IL22RA2: variants seen among roughly 807,000 people sequenced by gnomAD.
The protein encoded by IL22RA2 is interleukin 22 receptor subunit alpha 2.
IL22RA2 carries 39 observed loss-of-function variants against 30.7 expected under a neutral mutation model. That is an observed-to-expected ratio of 1.27 (90% CI 0.98 to 1.66). The LOEUF (loss-of-function observed/expected upper bound fraction) is 1.66, where lower values mean the gene tolerates loss of function less well. Ranked by LOEUF, IL22RA2 falls within the 40% of genes most tolerant of loss-of-function variation. IL22RA2 has a pLI of 0.00. For missense variants in IL22RA2, 315 were observed against 312.7 expected, an observed-to-expected ratio of 1.01 and a Z score of -0.05; for synonymous variants, 103 against 105.0, an observed-to-expected ratio of 0.98 and a Z score of 0.11.
At chr6:137,170,466 C>CG in intron 1 of IL22RA2, among the ~76,000 whole-genome samples, 1 of 152,292 alleles carries the variant, frequency 6.6e-6, no homozygotes, top group African/African-American at 2.4e-5. Context: ...CAGTGAGTTC[C>CG]TGCATGACTG....
At chr6:137,145,904 T>C (rs1027120202) in intron 6 of IL22RA2, 131 bp from the exon 7 acceptor site, 1 of 936,252 alleles carries the variant, frequency 1.1e-6, no homozygotes, top group African/African-American at 1.7e-5. Context: ...CCCAGACACA[T>C]CCTTCTTTTC....
intron 5 of IL22RA2, among the ~76,000 whole-genome samples, chr6:137,148,201 A>G (rs986427794): frequency 1.3e-5 from 2 of 152,154 alleles, no homozygotes; most frequent in African/African-American, 4.8e-5. Context: ...GTTTATTGGA[A>G]GGGCTTTTCT....
rs141237518 is a variant in IL22RA2, at chr6:137,168,412, C to T, written c.-66+5001G>A. Among the ~76,000 whole-genome samples, 66 of 152,268 alleles carry T rather than the reference C, an allele frequency of 4.3e-4. 1 individual carries two copies. The highest frequency in any genetic ancestry group is 1.1e-3 in the African/African-American group (45 of 41,546). The stretch of plus-strand genomic sequence containing the variant: ...GGGGTCAGTAAACTTGTAAACAAAA[C>T]GCAAGTATTCACTTACGCGCATAAA... On this transcript the variant is annotated intron_variant, in intron 1 of 6. Transcript: ENST00000296980.
chr6:137,147,772 AAT>A lies in IL22RA2; in HGVS notation c.590_591del (p.Asp197ValfsTer3). 1 of 1,600,540 alleles carries A rather than the reference AAT, an allele frequency of 6.2e-7. No homozygotes were observed. Among genetic ancestry groups the A allele is most frequent in the African/African-American group, 1.3e-5 (1 of 74,694 alleles). On this transcript the variant is annotated frameshift_variant, in exon 6 of 7. Transcript: ENST00000296980. LOFTEE classifies it high-confidence loss of function. ...AAAACTCGGTATAGTAGTTCATAGT[AAT>A]CTTCTATAGATACATTTTTTTCCTT... is the stretch of plus-strand genomic sequence containing the variant. ...YQKEKNVSIE[D>X]YYELLYRVFI...
chr6:137,150,048 G>T (rs1054411009), intron 5 of IL22RA2, among the ~76,000 whole-genome samples: 1 of 152,124 alleles, frequency 6.6e-6, no homozygotes, highest in Non-Finnish European at 1.5e-5. Flanking sequence ...AGTATCAAAC[G>T]CTGCTTTTAA....
intron 5 of IL22RA2, among the ~76,000 whole-genome samples, chr6:137,154,002 A>G (rs942216383): frequency 1.3e-5 from 2 of 151,620 alleles, no homozygotes; most frequent in Non-Finnish European, 2.9e-5. Context: ...TTCTTGTTCT[A>G]TTTATGCACA....
intron 5 of IL22RA2, among the ~76,000 whole-genome samples, chr6:137,151,281 T>G (rs1011256757): frequency 2.0e-5 from 3 of 152,202 alleles, no homozygotes; most frequent in Non-Finnish European, 4.4e-5. Flanking sequence ...TATGGTCTAT[T>G]GATTTTCAAC....
At chr6:137,170,690 C>A (rs1395301275) in intron 1 of IL22RA2, among the ~76,000 whole-genome samples, 3 of 152,114 alleles carry the variant, frequency 2.0e-5, no homozygotes, top group Non-Finnish European at 2.9e-5. Context: ...CTTTCCTGAA[C>A]TTTCGGTCTC....
chr6:137,146,664 C>T (rs1778186115), intron 6 of IL22RA2, among the ~76,000 whole-genome samples: 1 of 152,182 alleles, frequency 6.6e-6, no homozygotes, highest in Non-Finnish European at 1.5e-5. Flanking sequence ...CAATTATCCA[C>T]CAAATCCAGA....
chr6:137,158,304 C>A, intron 3 of IL22RA2, 43 bp downstream of exon 3: 1 of 1,609,266 alleles, frequency 6.2e-7, no homozygotes, highest in Non-Finnish European at 8.5e-7. Flanking sequence ...ACATGTTATC[C>A]CAGTGCCATC....
intron 1 of IL22RA2, among the ~76,000 whole-genome samples, chr6:137,170,687 G>C (rs534337764): frequency 6.6e-6 from 1 of 152,098 alleles, no homozygotes; most frequent in African/African-American, 2.4e-5. Flanking sequence ...AAACTTTCCT[G>C]AACTTTCGGT....
At chr6:137,166,511 C>G (rs973436958) in intron 1 of IL22RA2, among the ~76,000 whole-genome samples, 2 of 152,168 alleles carry the variant, frequency 1.3e-5, no homozygotes, top group African/African-American at 2.4e-5. Context: ...CCAGAGAAAA[C>G]AGAAAGGCAG....
chr6:137,151,515 A>G lies in IL22RA2; in HGVS notation c.472+3426T>C, dbSNP rs982837982. ...TGGATTTGGCAAAGGATTCTTAGATATGACACCAAAAGCACAAGCAACAAA... is the reference window on the plus strand; with the variant it reads ...TGGATTTGGCAAAGGATTCTTAGATGTGACACCAAAAGCACAAGCAACAAA... On this transcript the variant is annotated intron_variant, in intron 5 of 6. Coordinates refer to ENST00000296980, the MANE Select transcript of IL22RA2 (RefSeq NM_052962.3). Among the ~76,000 whole-genome samples, 4 of 152,262 alleles carry G rather than the reference A, an allele frequency of 2.6e-5. No individual in the cohort carries two copies. In the East Asian group the frequency reaches 7.7e-4, roughly 29 times the overall value.
rs547228570 is a variant in IL22RA2 at position 137,156,628 on chromosome 6, G to A, written c.293+131C>T. 1.2e-5 allele frequency: 15 copies of A among 1,266,704 alleles called. No individual in the cohort carries two copies. In the South Asian group the frequency reaches 2.3e-4, roughly 19 times the overall value. The allele number at this position is 1,266,704 out of a possible 1,614,324, so 78.5% of individuals were successfully genotyped here. ...CAAAATTATAAATTTGTCTTGTGCT[G>A]TTGAAAATCCCTTAGAGACAGGAAT... On this transcript the variant is annotated intron_variant, in intron 4 of 6. Transcript: ENST00000296980.
chr6:137,151,591 T>C (rs1471405414), intron 5 of IL22RA2, among the ~76,000 whole-genome samples: 1 of 152,210 alleles, frequency 6.6e-6, no homozygotes, highest in Non-Finnish European at 1.5e-5. Flanking sequence ...TGTCAAGTGA[T>C]ACCATCAAGA....
intron 1 of IL22RA2, among the ~76,000 whole-genome samples, chr6:137,170,056 T>C (rs543670266): frequency 1.3e-5 from 2 of 152,332 alleles, no homozygotes; most frequent in South Asian, 4.1e-4. Context: ...ACTGCTTCCC[T>C]GTCTCTTGCC....
chr6:137,172,159 A>G (rs1778747861), intron 1 of IL22RA2, among the ~76,000 whole-genome samples: 2 of 152,366 alleles, frequency 1.3e-5, no homozygotes, highest in South Asian at 4.1e-4. Flanking sequence ...TTTTGAAGCC[A>G]CCAAATTGCT....
chr6:137,165,154 T>C (rs1778603299), intron 1 of IL22RA2, among the ~76,000 whole-genome samples: 1 of 152,078 alleles, frequency 6.6e-6, no homozygotes, highest in South Asian at 2.1e-4. Flanking sequence ...TGCAGCAGTA[T>C]TGAGAGGCAC....
intron 1 of IL22RA2, among the ~76,000 whole-genome samples, chr6:137,170,432 A>C (rs979969134): frequency 2.0e-5 from 3 of 152,220 alleles, no homozygotes; most frequent in African/African-American, 7.2e-5. Flanking sequence ...CCAACTCCAC[A>C]TTCCTCAAAG....
Sources: allele counts gnomAD v4.1 joint callset (sites outside exome capture counted in the v4.1 genomes callset), GRCh38; gene constraint gnomAD v4.1.1; transcripts MANE v1.5; gene names NCBI Gene and HGNC (gene_info 2026-07-23, HGNC 2026-07-21).